The following TEKT1 variants were observed in gnomAD, a reference collection of about 807,000 sequenced individuals.
TEKT1 encodes tektin 1, also known as tektin-1.
Under a neutral mutation model 34.8 loss-of-function variants are expected in TEKT1, and 32 were observed. That is an observed-to-expected ratio of 0.92 (90% CI 0.69 to 1.23). The LOEUF (loss-of-function observed/expected upper bound fraction) is 1.23, where lower values mean the gene tolerates loss of function less well. TEKT1 is among the 50% of genes most tolerant of loss of function. The pLI is 0.00. For missense variants in TEKT1, 492 were observed against 518.5 expected (o/e 0.95, Z 0.50); for synonymous variants, 207 against 199.8 (o/e 1.04, Z -0.30).
intron 6 of TEKT1, among the ~76,000 whole-genome samples, chr17:6,807,296 C>T (rs1417321828): frequency 2.0e-5 from 3 of 152,164 alleles, no homozygotes; most frequent in Admixed American, 1.3e-4. Context: ...ACGTAGTTCT[C>T]GTGCCTTGGT....
At chr17:6,802,518 C>T (rs1317578232) in intron 6 of TEKT1, among the ~76,000 whole-genome samples, 1 of 150,956 alleles carries the variant, frequency 6.6e-6, no homozygotes, top group East Asian at 1.9e-4. Context: ...TTTTAGGGTA[C>T]ATGTGCACAA....
rs146127077 is a variant in TEKT1, at chr17:6,811,782, C to A, written c.852+1049G>T. Among the ~76,000 whole-genome samples, 2 of 152,132 alleles carry A rather than the reference C, an allele frequency of 1.3e-5. No homozygotes were observed. Among genetic ancestry groups the A allele is most frequent in the Admixed American group, 1.3e-4 (2 of 15,278 alleles). The stretch of plus-strand genomic sequence containing the variant: ...TGTTTCAGCTTCACCAGCAGTAAAG[C>A]GTAGGGTGGGCTGACAGTGGCCTGC... On this transcript the variant is annotated intron_variant, in intron 6 of 7. Transcript: ENST00000338694. This position sits in a 1 kb window ranked among gnomAD's most constrained non-coding sequence, Gnocchi z 4.4.
intron 4 of TEKT1, 75 bp from the exon 5 acceptor site, chr17:6,815,381 G>A (rs1976990668): frequency 6.9e-6 from 11 of 1,584,684 alleles, no homozygotes; most frequent in Non-Finnish European, 9.5e-6. Flanking sequence ...AGAGGTCCTG[G>A]AAAGTGAAGC....
At chr17:6,816,992 A>G (rs932559345) in intron 3 of TEKT1, among the ~76,000 whole-genome samples, 4 of 151,770 alleles carry the variant, frequency 2.6e-5, no homozygotes, top group Non-Finnish European at 5.9e-5. Flanking sequence ...TTTCCCAAGA[A>G]GAGGAAAGTT....
intron 2 of TEKT1, among the ~76,000 whole-genome samples, chr17:6,823,638 C>A (rs1448023605): frequency 6.6e-6 from 1 of 152,066 alleles, no homozygotes; most frequent in Non-Finnish European, 1.5e-5. Context: ...CACCTTGTAA[C>A]TGATTTTCAC....
At chr17:6,821,216 A>G (rs1013246270) in intron 2 of TEKT1, among the ~76,000 whole-genome samples, 1 of 152,188 alleles carries the variant, frequency 6.6e-6, no homozygotes, top group Non-Finnish European at 1.5e-5. Flanking sequence ...CCCCACCCAA[A>G]TCTCATCTCC....
At chr17:6,825,242 A>C (rs1904361408) in intron 2 of TEKT1, among the ~76,000 whole-genome samples, 1 of 152,210 alleles carries the variant, frequency 6.6e-6, no homozygotes, top group East Asian at 1.9e-4. Context: ...AGTTGGATGA[A>C]GACTAAGTGA....
At chr17:6,823,604 T>C (rs1904320500) in intron 2 of TEKT1, among the ~76,000 whole-genome samples, 1 of 152,190 alleles carries the variant, frequency 6.6e-6, no homozygotes, top group African/African-American at 2.4e-5. Flanking sequence ...TAATCCACCA[T>C]GTAGATGGGC....
At position 6,812,857 on chromosome 17, in the gene TEKT1, C is replaced by G. The variant is rs774240194; in HGVS notation, c.826G>C (p.Asp276His). 1 of 1,613,956 alleles carries G rather than the reference C, an allele frequency of 6.2e-7. No homozygotes were observed. The highest frequency in any genetic ancestry group is 8.5e-7 in the Non-Finnish European group (1 of 1,179,966). ...TTGGCCAGATGATCAGCCAGCTTGT[C>G]CCTGGCATCCTTTGTATCCTTCAGC... ...NGLKDTKDAR[D>H]KLADHLAKVM... is the part of the protein sequence containing the mutation. Residue 276 changes from aspartate (D) to histidine (H), a missense_variant, in exon 6 of 8, where the codon GAC becomes CAC. Asp to His is a moderately conservative substitution (Grantham distance 81, BLOSUM62 -1). Coordinates refer to ENST00000338694, the MANE Select transcript of TEKT1 (RefSeq NM_053285.2).
intron 6 of TEKT1, among the ~76,000 whole-genome samples, chr17:6,807,261 G>A (rs990696864): frequency 2.0e-4 from 30 of 152,126 alleles, no homozygotes; most frequent in Non-Finnish European, 2.8e-4. Flanking sequence ...TGATCGAATT[G>A]GCTACTGAGG....
intron 6 of TEKT1, among the ~76,000 whole-genome samples, chr17:6,801,778 T>C (rs1188680125): frequency 6.6e-6 from 1 of 152,210 alleles, no homozygotes; most frequent in Non-Finnish European, 1.5e-5. Context: ...AATATTTAAC[T>C]GGTTTAAAAT....
chr17:6,826,998 A>G (rs1904426505), intron 2 of TEKT1, among the ~76,000 whole-genome samples: 1 of 152,092 alleles, frequency 6.6e-6, no homozygotes, highest in South Asian at 2.1e-4. Context: ...CCTGGCCAAG[A>G]TATCATTTTT....
chr17:6,828,886 T>C (rs1207405319), intron 2 of TEKT1, among the ~76,000 whole-genome samples: 5 of 152,132 alleles, frequency 3.3e-5, no homozygotes, highest in Non-Finnish European at 7.4e-5. Flanking sequence ...GTGCGGTGGC[T>C]CGTGCCTGTA....
intron 6 of TEKT1, among the ~76,000 whole-genome samples, chr17:6,808,179 C>T (rs1043040555): frequency 1.3e-5 from 2 of 152,208 alleles, no homozygotes; most frequent in African/African-American, 2.4e-5. Flanking sequence ...GGCACCTCTC[C>T]GCCAGCCTGG....
chr17:6,817,894 C>G lies in TEKT1; in HGVS notation c.356+1299G>C, dbSNP rs112297004. 2.6e-5 allele frequency among the ~76,000 whole-genome samples: 4 copies of G among 152,302 alleles called. 1 individual carries two copies. Among genetic ancestry groups the G allele is most frequent in the African/African-American group, 9.6e-5 (4 of 41,582 alleles). ...TTAGCAGCCTCTACGTTATCATTAT[C>G]CTCAGGCTTAGACTTGAGCCAACTG... On this transcript the variant is annotated intron_variant, in intron 3 of 7. Coordinates refer to ENST00000338694, the MANE Select transcript of TEKT1 (RefSeq NM_053285.2).
At chr17:6,823,976 C>A (rs1321558522) in intron 2 of TEKT1, among the ~76,000 whole-genome samples, 1 of 152,044 alleles carries the variant, frequency 6.6e-6, no homozygotes, top group East Asian at 1.9e-4. Flanking sequence ...GTGCCCACCA[C>A]CATGCCTGGC....
intron 4 of TEKT1, 120 bp from the exon 5 acceptor site, chr17:6,815,426 C>A: frequency 1.7e-6 from 2 of 1,182,748 alleles, no homozygotes; most frequent in Non-Finnish European, 2.5e-6. Context: ...ATGGTACTGC[C>A]CCCCACCCAT....
chr17:6,812,458 C>T (rs1409077286), intron 6 of TEKT1, among the ~76,000 whole-genome samples: 1 of 152,240 alleles, frequency 6.6e-6, no homozygotes, highest in Non-Finnish European at 1.5e-5. Flanking sequence ...CTAAAGGGCA[C>T]GTGAGAGCAT....
chr17:6,827,251 G>A (rs1452092121), intron 2 of TEKT1, among the ~76,000 whole-genome samples: 1 of 145,466 alleles, frequency 6.9e-6, no homozygotes, highest in Non-Finnish European at 1.5e-5. Context: ...TAAGATAGTT[G>A]TGCCAATTTT....
Sources: allele counts gnomAD v4.1 joint callset (sites outside exome capture counted in the v4.1 genomes callset), GRCh38; gene constraint gnomAD v4.1.1; non-coding constraint Gnocchi (gnomAD v3.1); transcripts MANE v1.5; gene names NCBI Gene and HGNC (gene_info 2026-07-23, HGNC 2026-07-21).